The following ARHGAP15 variants were observed in gnomAD, a reference collection of about 807,000 sequenced individuals.
ARHGAP15 encodes the protein rho GTPase-activating protein 15.
A neutral mutation model predicts 63.7 loss-of-function variants in ARHGAP15; 51 were observed. The ratio of observed to expected loss-of-function variants is 0.80; its 90% CI spans 0.64 to 1.01. The LOEUF is 1.01. Ranked by LOEUF, ARHGAP15 falls within the 50% of genes least tolerant of loss-of-function variation. The pLI is 0.00. For synonymous variants in ARHGAP15, 191 were observed against 193.8 expected, an observed-to-expected ratio of 0.99 and a Z score of 0.12; for missense variants, 560 against 564.6, an observed-to-expected ratio of 0.99 and a Z score of 0.08.
intron 6 of ARHGAP15, among the ~76,000 whole-genome samples, chr2:143,350,372 C>A (rs1485234070): frequency 1.3e-5 from 2 of 152,070 alleles, no homozygotes; most frequent in Non-Finnish European, 2.9e-5. Context: ...CACTCATGAA[C>A]ATAAGAAAAC....
chr2:143,546,349 C>T (rs1392657332), intron 10 of ARHGAP15, among the ~76,000 whole-genome samples: 2 of 152,150 alleles, frequency 1.3e-5, no homozygotes, highest in African/African-American at 4.8e-5. Flanking sequence ...CTTTATATAA[C>T]TCTTATGACT....
intron 1 of ARHGAP15, among the ~76,000 whole-genome samples, chr2:143,149,960 A>G (rs1212417219): frequency 6.6e-6 from 1 of 152,064 alleles, no homozygotes; most frequent in Admixed American, 6.6e-5. Flanking sequence ...TTTATCTGCC[A>G]GATTTTCTTT....
chr2:143,717,591 G>C (rs957663233), intron 13 of ARHGAP15, among the ~76,000 whole-genome samples: 5 of 152,140 alleles, frequency 3.3e-5, no homozygotes, highest in Non-Finnish European at 7.4e-5. Context: ...AAAGCTCCTT[G>C]TAAACTGTGG....
chr2:143,391,718 C>T (rs920078511), intron 6 of ARHGAP15, among the ~76,000 whole-genome samples: 2 of 152,154 alleles, frequency 1.3e-5, no homozygotes, highest in African/African-American at 2.4e-5. Flanking sequence ...GAGCAGGATA[C>T]CCCTTTCCCT....
chr2:143,508,287 GTCACT>G (rs775275100), intron 9 of ARHGAP15, among the ~76,000 whole-genome samples: 18 of 152,158 alleles, frequency 1.2e-4, no homozygotes, highest in Non-Finnish European at 2.2e-4. Context: ...GGCTCAGTCG[GTCACT>G]TCATTTGGTG....
At chr2:143,468,377 A>C (rs923963335) in intron 8 of ARHGAP15, among the ~76,000 whole-genome samples, 1 of 152,174 alleles carries the variant, frequency 6.6e-6, no homozygotes, top group Non-Finnish European at 1.5e-5. Context: ...AAAAAAGCTG[A>C]AACTGAAAGC....
Position 143,604,395 on chromosome 2 carries a change from G to A in ARHGAP15, c.1004-19738G>A, listed in dbSNP as rs116162446. On this transcript the variant is annotated intron_variant, in intron 11 of 13. Coordinates refer to ENST00000295095, the MANE Select transcript of ARHGAP15 (RefSeq NM_018460.4). ...TTCACGCATCTGAAGCAGAGGAGTC[G>A]TCACAATTATTCTAAATGCAGTTAG... is the stretch of plus-strand genomic sequence containing the variant. Among the ~76,000 whole-genome samples, 404 of 152,248 alleles carry A rather than the reference G, an allele frequency of 2.7e-3. 3 individuals are homozygous for A. Among genetic ancestry groups the A allele is most frequent in the Non-Finnish European group, 3.6e-3 (245 of 68,006 alleles).
At chr2:143,389,131 A>T (rs950629820) in intron 6 of ARHGAP15, among the ~76,000 whole-genome samples, 38 of 147,242 alleles carry the variant, frequency 2.6e-4, no homozygotes, top group East Asian at 1.2e-3. Context: ...TATTATTATT[A>T]TTATTTTTTA....
At chr2:143,143,006 A>G (rs1362098421) in intron 1 of ARHGAP15, among the ~76,000 whole-genome samples, 1 of 152,166 alleles carries the variant, frequency 6.6e-6, no homozygotes, top group Non-Finnish European at 1.5e-5. Flanking sequence ...CAAAAATCCT[A>G]TATTTCACTT....
At chr2:143,180,915 C>T (rs957078834) in intron 2 of ARHGAP15, among the ~76,000 whole-genome samples, 9 of 152,024 alleles carry the variant, frequency 5.9e-5, no homozygotes, top group Admixed American at 3.3e-4. Flanking sequence ...CCTCGTGATC[C>T]GTCGCCTCGG....
chr2:143,616,582 G>T (rs1698456571), intron 11 of ARHGAP15, among the ~76,000 whole-genome samples: 2 of 152,136 alleles, frequency 1.3e-5, no homozygotes, highest in South Asian at 4.1e-4. Flanking sequence ...AGCTTTTAAA[G>T]AAAAGTTTTA....
intron 12 of ARHGAP15, among the ~76,000 whole-genome samples, chr2:143,637,708 T>G (rs1300468442): frequency 6.7e-6 from 1 of 150,208 alleles, no homozygotes; most frequent in East Asian, 1.9e-4. Context: ...TTTACAACAT[T>G]TGGGGAGGAA....
intron 6 of ARHGAP15, among the ~76,000 whole-genome samples, chr2:143,370,768 CT>C (rs1686514915): frequency 6.6e-6 from 1 of 152,142 alleles, no homozygotes; most frequent in African/African-American, 2.4e-5. Context: ...CTTCAGATTC[CT>C]TTTCCCAGTG....
At position 143,581,935 on chromosome 2, in the gene ARHGAP15, T is replaced by A. The variant is rs76837089; in HGVS notation, c.1003+25450T>A. Among the ~76,000 whole-genome samples the A allele has an allele frequency of 4.6e-5, 7 of 152,328 alleles. No individual in the cohort carries two copies. In the South Asian group the frequency reaches 8.3e-4, roughly 18 times the overall value. ...GAAGGAAGAGGTCAGTTTCTTTTCC[T>A]GAATGACATTATCTCTAAAGACTCT... On this transcript the variant is annotated intron_variant, in intron 11 of 13. Coordinates refer to ENST00000295095, the MANE Select transcript of ARHGAP15 (RefSeq NM_018460.4).
At chr2:143,725,266 T>G (rs1173925726) in intron 13 of ARHGAP15, among the ~76,000 whole-genome samples, 1 of 152,192 alleles carries the variant, frequency 6.6e-6, no homozygotes, top group Admixed American at 6.5e-5. Flanking sequence ...TCTTGTGACA[T>G]ACCTAGCCAA....
At chr2:143,471,158 C>T (rs1691538165) in intron 8 of ARHGAP15, among the ~76,000 whole-genome samples, 1 of 143,316 alleles carries the variant, frequency 7.0e-6, no homozygotes, top group African/African-American at 2.7e-5. Flanking sequence ...TGTATAGATA[C>T]AGAAAGAGGA....
chr2:143,186,013 C>T (rs1168673307), intron 2 of ARHGAP15, among the ~76,000 whole-genome samples: 1 of 152,154 alleles, frequency 6.6e-6, no homozygotes, highest in Non-Finnish European at 1.5e-5. Context: ...CATTACATTC[C>T]TTCAATAACT....
intron 1 of ARHGAP15, among the ~76,000 whole-genome samples, chr2:143,141,566 A>G (rs1440691519): frequency 5.9e-5 from 9 of 152,104 alleles, no homozygotes; most frequent in Admixed American, 5.9e-4. Flanking sequence ...GAGAGGGAGG[A>G]AAAGGGGAAC....
intron 8 of ARHGAP15, among the ~76,000 whole-genome samples, chr2:143,443,165 A>T (rs10928177): frequency 6.6e-6 from 1 of 152,124 alleles, no homozygotes; most frequent in Non-Finnish European, 1.5e-5. Flanking sequence ...ATATAAATAC[A>T]TATTTTAAAG....
Sources: allele counts gnomAD v4.1 joint callset (sites outside exome capture counted in the v4.1 genomes callset), GRCh38; gene constraint gnomAD v4.1.1; transcripts MANE v1.5; gene names NCBI Gene and HGNC (gene_info 2026-07-23, HGNC 2026-07-21).